The following CMTM3 variants were observed in gnomAD, a reference collection of about 807,000 sequenced individuals.
CMTM3 encodes CKLF-like MARVEL transmembrane domain-containing protein 3.
Under a neutral mutation model 18.2 loss-of-function variants are expected in CMTM3, and 7 were observed. The observed-to-expected ratio is 0.38, with a 90% CI of 0.22 to 0.72. The LOEUF (loss-of-function observed/expected upper bound fraction) is 0.72. Among genes scored for constraint, CMTM3 ranks in the 30% least tolerant of loss-of-function variants. CMTM3 has a pLI of 0.46. For synonymous variants in CMTM3, 109 were observed against 111.2 expected (o/e 0.98, Z 0.12); for missense variants, 227 against 249.2 (o/e 0.91, Z 0.60).
chr16:66,611,840 T>C (rs2015387525), intron 4 of CMTM3, among the ~76,000 whole-genome samples: 1 of 151,718 alleles, frequency 6.6e-6, no homozygotes, highest in South Asian at 2.1e-4. Flanking sequence ...TAAACAAGGA[T>C]TGGGGGAGGG....
chr16:66,604,892 C>T lies in CMTM3; in HGVS notation c.87C>T (p.Ala29=), dbSNP rs778218628. The change falls in exon 1 of 5, where the codon GCC becomes GCT. Residue 29 remains alanine (A), a synonymous_variant. Coordinates refer to ENST00000567572, the MANE Select transcript of CMTM3 (RefSeq NM_181553.4). ...RPGPAVPGLR[A]LLPARAFLCS... is the part of the protein sequence containing the mutation. The stretch of plus-strand genomic sequence containing the variant: ...GCCCCGCGGTCCCCGGGCTCCGCGC[C>T]CTGCTGCCGGCGCGGGCTTTCCTCT... 1.2e-5 allele frequency: 17 copies of T among 1,444,336 alleles called. No individual in the cohort carries two copies. The highest frequency in any genetic ancestry group is 1.5e-5 in the African/African-American group (1 of 67,292). 89.5% of individuals were successfully genotyped at this position (1,444,336 alleles called of 1,614,324 possible).
Position 66,605,096 on chromosome 16 carries a change from G to A in CMTM3, c.147+144G>A. On this transcript the variant is annotated intron_variant, in intron 1 of 4. Coordinates refer to ENST00000567572, the MANE Select transcript of CMTM3 (RefSeq NM_181553.4). This position sits in a 1 kb window ranked among gnomAD's most constrained non-coding sequence, Gnocchi z 4.6. Reference sequence around the variant, plus strand: ...CGCCGCCTCGGCCGACTTCTCTCGGGCGCCTGGCGAAGTTGGGTCGAGGTC... The same window carrying A: ...CGCCGCCTCGGCCGACTTCTCTCGGACGCCTGGCGAAGTTGGGTCGAGGTC... The A allele has an allele frequency of 1.2e-6, 1 of 830,196 alleles. No individual in the cohort carries two copies. Among genetic ancestry groups the A allele is most frequent in the Non-Finnish European group, 1.7e-6 (1 of 604,400 alleles). The allele number at this position is 830,196 out of a possible 1,614,324, so 51.4% of individuals were successfully genotyped here. A position where few individuals can be genotyped will look rare whatever the true frequency, so the allele number is the denominator to read the frequency against.
chr16:66,607,595 C>T (rs2015205006), intron 1 of CMTM3, among the ~76,000 whole-genome samples: 1 of 152,186 alleles, frequency 6.6e-6, no homozygotes, highest in Admixed American at 6.5e-5. Context: ...TTTTTCTTTT[C>T]AAGGTGAAAT....
intron 1 of CMTM3, 43 bp downstream of exon 1, chr16:66,604,995 G>C (rs1016417493): frequency 4.2e-6 from 6 of 1,415,768 alleles, no homozygotes; most frequent in Middle Eastern, 2.0e-4. Flanking sequence ...AGGACTGCGC[G>C]GCTCCTTTCG....
Position 66,612,279 on chromosome 16 carries a change from G to C in CMTM3, c.521-330G>C, listed in dbSNP as rs543197950. Among the ~76,000 whole-genome samples, 1 of 152,226 alleles carries C rather than the reference G, an allele frequency of 6.6e-6. No homozygotes were observed. Among genetic ancestry groups the C allele is most frequent in the South Asian group, 2.1e-4 (1 of 4,810 alleles). ...AAATTAGCCAGGTGTGGTGGCACAC[G>C]CTTATAATCCCAGCTACTCGGGAGG... On this transcript the variant is annotated intron_variant, in intron 4 of 4. Transcript: ENST00000567572. This position sits in a 1 kb window ranked among gnomAD's most constrained non-coding sequence, Gnocchi z 6.0.
In CMTM3 at chr16:66,612,497, G is replaced by A; in HGVS notation, c.521-112G>A. Reference sequence around the variant, plus strand: ...CTGGGAACGGTAGAGTCAGCTGCAGGAGGCCTGCACCCAGGCTCCTGCCAG... The same window carrying A: ...CTGGGAACGGTAGAGTCAGCTGCAGAAGGCCTGCACCCAGGCTCCTGCCAG... On this transcript the variant is annotated intron_variant, in intron 4 of 4. Coordinates refer to ENST00000567572, the MANE Select transcript of CMTM3 (RefSeq NM_181553.4). The surrounding 1 kb of genome is among the most constrained non-coding windows in gnomAD (Gnocchi z 6.0). The A allele has an allele frequency of 2.8e-6, 3 of 1,076,632 alleles. No homozygotes were observed. Among genetic ancestry groups the A allele is most frequent in the Non-Finnish European group, 4.1e-6 (3 of 723,384 alleles). 66.7% of individuals were successfully genotyped at this position (1,076,632 alleles called of 1,614,324 possible). A position where few individuals can be genotyped will look rare whatever the true frequency, so the allele number is the denominator to read the frequency against.
Position 66,604,963 on chromosome 16 carries a change from C to T in CMTM3, c.147+11C>T. On this transcript the variant is annotated intron_variant, in intron 1 of 4. Transcript: ENST00000567572. Reference sequence around the variant, plus strand: ...CTGCTGGCCGAGTCGGTGAGTGCGGCGGGACCCTCGGCCGCCCCGCTAGGA... The same window carrying T: ...CTGCTGGCCGAGTCGGTGAGTGCGGTGGGACCCTCGGCCGCCCCGCTAGGA... 1 of 1,488,514 alleles carries T rather than the reference C, an allele frequency of 6.7e-7. No homozygotes were observed. Among genetic ancestry groups the T allele is most frequent in the Non-Finnish European group, 8.9e-7 (1 of 1,128,774 alleles). 92.2% of individuals were successfully genotyped at this position (1,488,514 alleles called of 1,614,324 possible).
chr16:66,613,002 G>A lies in CMTM3; in HGVS notation c.*365G>A. ...CATGCTGCTAGGTGGCGGGGGTCGGGGGTCTTCTGTTTCACTAACAGGAAC... is the reference window on the plus strand; with the variant it reads ...CATGCTGCTAGGTGGCGGGGGTCGGAGGTCTTCTGTTTCACTAACAGGAAC... On this transcript the variant is annotated 3_prime_UTR_variant, in exon 5 of 5. Transcript: ENST00000567572. 1.4e-6 allele frequency: 1 copy of A among 701,354 alleles called. No homozygotes were observed. The highest frequency in any genetic ancestry group is 2.6e-6 in the Non-Finnish European group (1 of 383,890). The allele number at this position is 701,354 out of a possible 1,614,324, so 43.4% of individuals were successfully genotyped here. A position where few individuals can be genotyped will look rare whatever the true frequency, so the allele number is the denominator to read the frequency against.
chr16:66,613,200 T>C lies in CMTM3; in HGVS notation c.*563T>C. 1.4e-6 allele frequency: 1 copy of C among 695,216 alleles called. No individual in the cohort carries two copies. 43.1% of individuals were successfully genotyped at this position (695,216 alleles called of 1,614,324 possible). On this transcript the variant is annotated 3_prime_UTR_variant, in exon 5 of 5. Transcript: ENST00000567572. ...AAGCAGGGAGAAATTGACCTTTGCCTTGTCGCCCAGGAAGTGGGGCTCGGC... is the reference window on the plus strand; with the variant it reads ...AAGCAGGGAGAAATTGACCTTTGCCCTGTCGCCCAGGAAGTGGGGCTCGGC...
In CMTM3 at chr16:66,610,848, A is replaced by C; in HGVS notation, c.520+845A>C. The C allele has an allele frequency of 2.5e-6, 1 of 398,628 alleles. No homozygotes were observed. The highest frequency in any genetic ancestry group is 4.4e-6 in the Non-Finnish European group (1 of 226,086). 24.7% of individuals were successfully genotyped at this position (398,628 alleles called of 1,614,324 possible). A position where few individuals can be genotyped will look rare whatever the true frequency, so the allele number is the denominator to read the frequency against. ...GCTTAAGAGCCACTGGTTTCCTAAC[A>C]GCCAGGTGCTGGGGCCATGGGGATT... On this transcript the variant is annotated intron_variant, in intron 4 of 4. Transcript: ENST00000567572. The surrounding 1 kb of genome is among the most constrained non-coding windows in gnomAD (Gnocchi z 4.6).
In CMTM3 at chr16:66,608,580, G is replaced by A; in HGVS notation, c.303+116G>A. ...CTCTAGTGTGCTGGAGTTTGCAGTT[G>A]GTTAGAACTGGATGGAGAGACCCAG... On this transcript the variant is annotated intron_variant, in intron 2 of 4. Transcript: ENST00000567572. The surrounding 1 kb of genome is among the most constrained non-coding windows in gnomAD (Gnocchi z 5.1). 1 of 1,015,638 alleles carries A rather than the reference G, an allele frequency of 9.8e-7. No homozygotes were observed. Among genetic ancestry groups the A allele is most frequent in the Middle Eastern group, 3.2e-4 (1 of 3,120 alleles). 62.9% of individuals were successfully genotyped at this position (1,015,638 alleles called of 1,614,324 possible).
In CMTM3 at chr16:66,608,158, C is replaced by A; in HGVS notation, c.148-151C>A. On this transcript the variant is annotated intron_variant, in intron 1 of 4. Transcript: ENST00000567572. This position sits in a 1 kb window ranked among gnomAD's most constrained non-coding sequence, Gnocchi z 5.1. Reference sequence around the variant, plus strand: ...ACTGTGCTTGGCCTGGGATTCTAATCTGGCTCTGCCACTTCCCAGCTGCGG... The same window carrying A: ...ACTGTGCTTGGCCTGGGATTCTAATATGGCTCTGCCACTTCCCAGCTGCGG... The A allele has an allele frequency of 1.3e-6, 1 of 784,282 alleles. No individual in the cohort carries two copies. The highest frequency in any genetic ancestry group is 1.7e-5 in the South Asian group (1 of 59,730). 48.6% of individuals were successfully genotyped at this position (784,282 alleles called of 1,614,324 possible).
Position 66,608,247 on chromosome 16 carries a change from G to A in CMTM3, c.148-62G>A, listed in dbSNP as rs1597207453. On this transcript the variant is annotated intron_variant, in intron 1 of 4. Transcript: ENST00000567572. The surrounding 1 kb of genome is among the most constrained non-coding windows in gnomAD (Gnocchi z 5.1). ...TATCCTGACCACAGGGCCTGGCTCA[G>A]AGGAGCACTGGACAAGGAACATGAA... The A allele has an allele frequency of 1.3e-6, 2 of 1,586,560 alleles. No homozygotes were observed. The highest frequency in any genetic ancestry group is 4.5e-5 in the East Asian group (2 of 44,724).
Position 66,613,309 on chromosome 16 carries a change from A to C in CMTM3, c.*672A>C, listed in dbSNP as rs1049453151. On this transcript the variant is annotated 3_prime_UTR_variant, in exon 5 of 5. Coordinates refer to ENST00000567572, the MANE Select transcript of CMTM3 (RefSeq NM_181553.4). ...TTCTGGGTCTAAGACTGTTTCAAAG[A>C]AGAGCTCATAGACTGACTGGTCCAG... The C allele has an allele frequency of 1.7e-6, 1 of 598,442 alleles. No individual in the cohort carries two copies. Among genetic ancestry groups the C allele is most frequent in the Non-Finnish European group, 3.0e-6 (1 of 334,518 alleles). 37.1% of individuals were successfully genotyped at this position (598,442 alleles called of 1,614,324 possible).
In CMTM3 at chr16:66,609,900, T is replaced by TA; in HGVS notation, c.418dup (p.Thr140AsnfsTer7). The TA allele has an allele frequency of 6.2e-7, 1 of 1,614,184 alleles. No homozygotes were observed. The highest frequency in any genetic ancestry group is 1.1e-5 in the South Asian group (1 of 91,088). Reference sequence around the variant, plus strand: ...GTCCACAGGTGTTTGGCTTCTTTGCTACCATCGTGTTTGCAACTGATTTCT... The same window carrying TA: ...GTCCACAGGTGTTTGGCTTCTTTGCTAACCATCGTGTTTGCAACTGATTTCT... On this transcript the variant is annotated frameshift_variant, in exon 4 of 5. Coordinates refer to ENST00000567572, the MANE Select transcript of CMTM3 (RefSeq NM_181553.4). LOFTEE classifies it high-confidence loss of function. The surrounding 1 kb of genome is among the most constrained non-coding windows in gnomAD (Gnocchi z 4.4).
At chr16:66,604,622 G>A (rs1228609569), upstream of CMTM3, 4 of 419,200 alleles carry the variant, frequency 9.5e-6, no homozygotes, top group South Asian at 1.2e-4. Flanking sequence ...CGCAGCCGGG[G>A]TCCGAGGGGG....
At position 66,610,998 on chromosome 16, in the gene CMTM3, C is replaced by T; in HGVS notation, c.520+995C>T. On this transcript the variant is annotated intron_variant, in intron 4 of 4. Coordinates refer to ENST00000567572, the MANE Select transcript of CMTM3 (RefSeq NM_181553.4). The surrounding 1 kb of genome is among the most constrained non-coding windows in gnomAD (Gnocchi z 4.6). ...AGGCTCTGCAACCTGCTCCCAGTTGCCCGCAGCAAGTGATCCCAGACAACC... is the reference window on the plus strand; with the variant it reads ...AGGCTCTGCAACCTGCTCCCAGTTGTCCGCAGCAAGTGATCCCAGACAACC... The T allele has an allele frequency of 2.5e-6, 1 of 398,120 alleles. No homozygotes were observed. The highest frequency in any genetic ancestry group is 4.4e-6 in the Non-Finnish European group (1 of 225,914). The allele number at this position is 398,120 out of a possible 1,614,324, so 24.7% of individuals were successfully genotyped here.
At chr16:66,607,882 T>A (rs1200051534) in intron 1 of CMTM3, among the ~76,000 whole-genome samples, 1 of 151,270 alleles carries the variant, frequency 6.6e-6, no homozygotes, top group Non-Finnish European at 1.5e-5. Context: ...TCTCTCTCTC[T>A]CACCCAGGAT....
At chr16:66,606,284 G>A (rs2015149797) in intron 1 of CMTM3, among the ~76,000 whole-genome samples, 1 of 152,072 alleles carries the variant, frequency 6.6e-6, no homozygotes, top group Admixed American at 6.5e-5. Flanking sequence ...CAGAAATCGC[G>A]GGATGAAAAA....
Sources: allele counts gnomAD v4.1 joint callset (sites outside exome capture counted in the v4.1 genomes callset), GRCh38; gene constraint gnomAD v4.1.1; non-coding constraint Gnocchi (gnomAD v3.1); transcripts MANE v1.5; gene names NCBI Gene and HGNC (gene_info 2026-07-23, HGNC 2026-07-21).